Variants in CTIF observed in about 807,000 individuals in gnomAD.
CTIF encodes the protein cap binding complex dependent translation initiation factor.
Under a neutral mutation model 66.0 loss-of-function variants are expected in CTIF, and 21 were observed. The ratio of observed to expected loss-of-function variants is 0.32; its 90% CI spans 0.23 to 0.46. The LOEUF (loss-of-function observed/expected upper bound fraction) is 0.46, where lower values mean the gene tolerates loss of function less well. Among genes scored for constraint, CTIF ranks in the 20% least tolerant of loss-of-function variants. The pLI is 1.00. For missense variants in CTIF, 739 were observed against 812.7 expected, an observed-to-expected ratio of 0.91 and a Z score of 1.10; for synonymous variants, 345 against 326.4, an observed-to-expected ratio of 1.06 and a Z score of -0.62.
chr18:48,615,979 T>C (rs980339200), intron 1 of CTIF, among the ~76,000 whole-genome samples: 1 of 152,164 alleles, frequency 6.6e-6, no homozygotes. Flanking sequence ...GCAACTATTA[T>C]GGGTTTGGGG....
intron 6 of CTIF, among the ~76,000 whole-genome samples, chr18:48,705,836 C>A (rs2092145253): frequency 6.6e-6 from 1 of 152,268 alleles, no homozygotes; most frequent in Non-Finnish European, 1.5e-5. Context: ...GCAGAACCTT[C>A]CCTGACTCTT....
chr18:48,846,310 C>T (rs1394896355), intron 10 of CTIF, among the ~76,000 whole-genome samples: 1 of 152,248 alleles, frequency 6.6e-6, no homozygotes, highest in African/African-American at 2.4e-5. Flanking sequence ...TCTTATGCTG[C>T]AATGCCATAT....
intron 10 of CTIF, among the ~76,000 whole-genome samples, chr18:48,841,218 T>G (rs2068933524): frequency 6.6e-6 from 1 of 152,194 alleles, no homozygotes; most frequent in African/African-American, 2.4e-5. Context: ...GAACTGTAGG[T>G]TGGCATAGCC....
At chr18:48,622,586 G>A (rs1002645557) in intron 2 of CTIF, among the ~76,000 whole-genome samples, 1 of 152,282 alleles carries the variant, frequency 6.6e-6, no homozygotes, top group East Asian at 1.9e-4. Flanking sequence ...TTGTCTGGTG[G>A]TGCATTAACT....
intron 7 of CTIF, among the ~76,000 whole-genome samples, chr18:48,754,853 C>T (rs1363154803): frequency 6.6e-6 from 1 of 152,346 alleles, no homozygotes; most frequent in African/African-American, 2.4e-5. Context: ...TTCCAGGTCC[C>T]TCCAGATTTC....
intron 10 of CTIF, among the ~76,000 whole-genome samples, chr18:48,819,315 T>C (rs1242037853): frequency 1.3e-5 from 2 of 152,258 alleles, no homozygotes; most frequent in Non-Finnish European, 2.9e-5. Context: ...GGAGCGGGCC[T>C]GCGTGGCCTC....
chr18:48,591,569 G>T (rs182539598), intron 1 of CTIF, among the ~76,000 whole-genome samples: 2 of 152,200 alleles, frequency 1.3e-5, no homozygotes, highest in Non-Finnish European at 2.9e-5. Flanking sequence ...TGCAGCTAAA[G>T]GCTTAGCTCC....
At chr18:48,762,008 C>G (rs1391983787) in intron 9 of CTIF, among the ~76,000 whole-genome samples, 2 of 152,172 alleles carry the variant, frequency 1.3e-5, no homozygotes, top group African/African-American at 4.8e-5. Flanking sequence ...TGTGCTTTGA[C>G]CTCTCTACAT....
In CTIF at chr18:48,730,692, C is replaced by T. The variant is rs948767976; in HGVS notation, c.584+18997C>T. ...AGGGGCTTCTGCGGTGTGAGGAGCC[C>T]CTGAGGTGTGAGGGGCTTCCGCGGT... On this transcript the variant is annotated intron_variant, in intron 7 of 11. Transcript: ENST00000256413. 1.2e-3 allele frequency among the ~76,000 whole-genome samples: 136 copies of T among 114,764 alleles called. 19 individuals are homozygous for T. The East Asian group carries it at 0.017, about 15-fold the overall frequency. The allele number at this position is 114,764 out of a possible 152,430, so 75.3% of individuals were successfully genotyped here. A position where few individuals can be genotyped will look rare whatever the true frequency, so the allele number is the denominator to read the frequency against.
intron 10 of CTIF, among the ~76,000 whole-genome samples, chr18:48,839,047 G>A (rs4586521): frequency 2.0e-5 from 3 of 151,948 alleles, no homozygotes; most frequent in African/African-American, 7.3e-5. Flanking sequence ...ACCACCAACC[G>A]CCACCCTGCT....
At chr18:48,636,575 C>A in intron 2 of CTIF, 39 bp from the exon 3 acceptor site, 1 of 1,460,986 alleles carries the variant, frequency 6.8e-7, no homozygotes, top group Non-Finnish European at 9.1e-7. Context: ...ATGGGCCTGG[C>A]TGTCCTGCCG....
At chr18:48,804,940 G>A (rs1191495226) in intron 9 of CTIF, among the ~76,000 whole-genome samples, 2 of 152,162 alleles carry the variant, frequency 1.3e-5, no homozygotes, top group Non-Finnish European at 2.9e-5. Flanking sequence ...CCATTATTTT[G>A]TCACCTAGGA....
At chr18:48,729,136 A>G (rs2092413804) in intron 7 of CTIF, among the ~76,000 whole-genome samples, 1 of 152,066 alleles carries the variant, frequency 6.6e-6, no homozygotes, top group Non-Finnish European at 1.5e-5. Context: ...GGCATCAGTG[A>G]AGACGCTTCC....
At position 48,706,177 on chromosome 18, in the gene CTIF, G is replaced by A. The variant is rs374080090; in HGVS notation, c.508-5442G>A. Among the ~76,000 whole-genome samples, 61 of 152,268 alleles carry A rather than the reference G, an allele frequency of 4.0e-4. 1 individual carries two copies. In the South Asian group the frequency reaches 0.012, roughly 31 times the overall value. On this transcript the variant is annotated intron_variant, in intron 6 of 11. Transcript: ENST00000256413. ...TTGCCCTGTTGTGTTTTGCTCCATA[G>A]CAAAACATAGTCCTTTATCATATGA...
At chr18:48,838,468 G>C (rs769641800) in intron 10 of CTIF, among the ~76,000 whole-genome samples, 26 of 152,154 alleles carry the variant, frequency 1.7e-4, no homozygotes, top group Admixed American at 6.5e-4. Context: ...GAGAAAATCT[G>C]AGGAAATATA....
chr18:48,784,224 A>G (rs535424208), intron 9 of CTIF, among the ~76,000 whole-genome samples: 1 of 152,284 alleles, frequency 6.6e-6, no homozygotes, highest in Admixed American at 6.5e-5. Flanking sequence ...GAGGAGAGAG[A>G]ACTCACATGA....
chr18:48,749,663 T>C (rs111592322), intron 7 of CTIF, among the ~76,000 whole-genome samples: 2 of 152,164 alleles, frequency 1.3e-5, no homozygotes, highest in Non-Finnish European at 1.5e-5. Context: ...AAGAACCCTA[T>C]GAGATGGGTG....
intron 10 of CTIF, among the ~76,000 whole-genome samples, chr18:48,837,950 C>A (rs2068850938): frequency 6.6e-6 from 1 of 152,314 alleles, no homozygotes; most frequent in Non-Finnish European, 1.5e-5. Flanking sequence ...GTCTCTGGAA[C>A]TCTGATTTGG....
At chr18:48,691,991 T>G (rs954708327) in intron 6 of CTIF, among the ~76,000 whole-genome samples, 7 of 152,284 alleles carry the variant, frequency 4.6e-5, no homozygotes, top group African/African-American at 1.7e-4. Context: ...AAGCAATTCT[T>G]GTGCTTCAGC....
Sources: allele counts gnomAD v4.1 joint callset (sites outside exome capture counted in the v4.1 genomes callset), GRCh38; gene constraint gnomAD v4.1.1; transcripts MANE v1.5; gene names NCBI Gene and HGNC (gene_info 2026-07-23, HGNC 2026-07-21).